The following KDM6A variants were observed in gnomAD, a reference collection of about 807,000 sequenced individuals.
The protein encoded by KDM6A is lysine demethylase 6A.
A neutral mutation model predicts 117.6 loss-of-function variants in KDM6A; 11 were observed. That is an observed-to-expected ratio of 0.09 (90% confidence interval 0.06 to 0.15). The LOEUF is 0.15. Ranked by LOEUF, KDM6A falls within the 10% of genes least tolerant of loss-of-function variation. KDM6A has a pLI of 1.00. For synonymous variants in KDM6A, 384 were observed against 396.1 expected, an observed-to-expected ratio of 0.97 and a Z score of 0.36; for missense variants, 799 against 1,077.3, an observed-to-expected ratio of 0.74 and a Z score of 3.62.
At chrX:45,067,569 A>T (rs1315526178) in intron 17 of KDM6A, among the ~76,000 whole-genome samples, 1 of 108,905 alleles carries the variant, frequency 9.2e-6, no homozygotes, top group African/African-American at 3.4e-5. Flanking sequence ...ACCTTCCTTT[A>T]TTATGATTGA....
chrX:45,097,651 T>G (rs921230273), intron 27 of KDM6A, among the ~76,000 whole-genome samples: 3 of 111,741 alleles, frequency 2.7e-5, no homozygotes, highest in Non-Finnish European at 5.6e-5. Context: ...TGTTTTCTTC[T>G]GTTGTCACCT....
chrX:44,969,297 T>C (rs941836678), intron 3 of KDM6A, among the ~76,000 whole-genome samples: 2 of 111,095 alleles, frequency 1.8e-5, no homozygotes, highest in South Asian at 7.6e-4. Flanking sequence ...AAATATGCTT[T>C]GGTTGTTTCA....
intron 2 of KDM6A, among the ~76,000 whole-genome samples, chrX:44,904,007 T>G (rs1237407973): frequency 8.9e-6 from 1 of 112,093 alleles, no homozygotes; most frequent in African/African-American, 3.2e-5. Flanking sequence ...CTGGATCGTT[T>G]TATGTCTCAC....
At position 45,070,328 on chromosome X, in the gene KDM6A, C is replaced by G. The variant is rs2148057732; in HGVS notation, c.2829C>G (p.Pro943=). 8.3e-7 allele frequency: 1 copy of G among 1,210,946 alleles called. No homozygotes were observed. The highest frequency in any genetic ancestry group is 1.8e-5 in the South Asian group (1 of 56,978). ...IIPSMSVSIY[P]SSAEVLKACR... ...CATCAATGTCTGTGTCCATATACCC[C>G]AGCTCAGCAGAAGTTCTGAAGGCAT... is the stretch of plus-strand genomic sequence containing the variant. The change falls in exon 18 of 30, where the codon CCC becomes CCG. Residue 943 remains proline (P), a synonymous_variant. Transcript: ENST00000611820.
At chrX:44,989,609 A>G (rs995237698) in intron 4 of KDM6A, among the ~76,000 whole-genome samples, 6 of 112,175 alleles carry the variant, frequency 5.3e-5, no homozygotes, top group African/African-American at 1.9e-4. Context: ...GGTAAGTAAT[A>G]CATTGGAAGT....
At chrX:44,894,880 G>T (rs1165448879) in intron 2 of KDM6A, among the ~76,000 whole-genome samples, 1 of 107,787 alleles carries the variant, frequency 9.3e-6, no homozygotes, top group Admixed American at 1.0e-4. Context: ...TGATTCTCCC[G>T]CCTCAGCCCC....
intron 15 of KDM6A, 107 bp from the exon 16 acceptor site, chrX:45,062,540 C>G: frequency 3.7e-6 from 2 of 543,989 alleles, no homozygotes; most frequent in South Asian, 5.2e-5. Flanking sequence ...TGTGTTTGAC[C>G]AGATAGTGGT....
chrX:44,988,212 C>T (rs2040355901), intron 4 of KDM6A, among the ~76,000 whole-genome samples: 1 of 112,039 alleles, frequency 8.9e-6, no homozygotes, highest in African/African-American at 3.2e-5. Flanking sequence ...GCTACTGAGG[C>T]TTGTGCATTC....
rs373759726 is a variant in KDM6A at position 45,067,734 on chromosome X, C to T, written c.2080-1845C>T. ...GTGGTGCGATCTTGGCTCACTGCAA[C>T]CTCCGCCTCCTAGGTTCAAGTGATT... On this transcript the variant is annotated intron_variant, in intron 17 of 29. Coordinates refer to ENST00000611820, the MANE Select transcript of KDM6A (RefSeq NM_001291415.2). 2.9e-5 allele frequency among the ~76,000 whole-genome samples: 3 copies of T among 103,720 alleles called. No homozygotes were observed. In the East Asian group the frequency reaches 9.0e-4, roughly 31 times the overall value. The allele number at this position is 103,720 out of a possible 115,157, so 90.1% of individuals were successfully genotyped here. A position where few individuals can be genotyped will look rare whatever the true frequency, so the allele number is the denominator to read the frequency against.
chrX:45,044,640 T>G (rs1838464889), intron 8 of KDM6A, among the ~76,000 whole-genome samples: 2 of 111,741 alleles, frequency 1.8e-5, no homozygotes, highest in Middle Eastern at 4.6e-3. Flanking sequence ...TTTATTCAAA[T>G]GATAGCCAAT....
rs201035767 is a variant in KDM6A, at chrX:45,032,033, T to TA, written c.565-2887dup. Among the ~76,000 whole-genome samples, 333 of 105,003 alleles carry TA rather than the reference T, an allele frequency of 3.2e-3. 1 individual carries two copies. Among genetic ancestry groups the TA allele is most frequent in the East Asian group, 5.6e-3 (19 of 3,406 alleles). 91.2% of individuals were successfully genotyped at this position (105,003 alleles called of 115,157 possible). A position where few individuals can be genotyped will look rare whatever the true frequency, so the allele number is the denominator to read the frequency against. ...CATAAAAAGAAAATCTCTATAACAT[T>TA]AAAAAAAAAAAGTCATAAGTAAATC... On this transcript the variant is annotated intron_variant, in intron 6 of 29. Transcript: ENST00000611820.
chrX:44,873,272 T>TCCCGCCGTC lies in KDM6A; in HGVS notation c.-273_-265dup, dbSNP rs937573583. 1.8e-4 allele frequency: 60 copies of TCCCGCCGTC among 339,297 alleles called. No homozygotes were observed. The highest frequency in any genetic ancestry group is 1.4e-3 in the South Asian group (24 of 16,882). 28.0% of individuals were successfully genotyped at this position (339,297 alleles called of 1,213,427 possible). A position where few individuals can be genotyped will look rare whatever the true frequency, so the allele number is the denominator to read the frequency against. On this transcript the variant is annotated 5_prime_UTR_variant, in exon 1 of 30. Coordinates refer to ENST00000611820, the MANE Select transcript of KDM6A (RefSeq NM_001291415.2). ...CCCCAGCCCCGCGCGCTCCGGCCGTTCCCGCCGTCCCCGCCTGTGGCTGCC... is the reference window on the plus strand; with the variant it reads ...CCCCAGCCCCGCGCGCTCCGGCCGTTCCCGCCGTCCCCGCCGTCCCCGCCTGTGGCTGCC...
At chrX:45,052,345 C>T (rs2043889505) in intron 9 of KDM6A, among the ~76,000 whole-genome samples, 1 of 111,467 alleles carries the variant, frequency 9.0e-6, no homozygotes, top group Non-Finnish European at 1.9e-5. Context: ...AGTCATGTTT[C>T]TTGTTTGTAT....
chrX:45,018,636 A>G (rs909937777), intron 5 of KDM6A, among the ~76,000 whole-genome samples: 4 of 111,946 alleles, frequency 3.6e-5, no homozygotes, highest in Non-Finnish European at 7.5e-5. Context: ...AGGGGCTGTT[A>G]TTGTACTGTG....
At chrX:45,106,339 G>A (rs2046530630) in intron 27 of KDM6A, among the ~76,000 whole-genome samples, 1 of 111,195 alleles carries the variant, frequency 9.0e-6, no homozygotes, top group South Asian at 3.7e-4. Flanking sequence ...ACATAGTAAC[G>A]TATAAAATAG....
chrX:44,982,090 C>T (rs1211977766), intron 4 of KDM6A, among the ~76,000 whole-genome samples: 1 of 111,159 alleles, frequency 9.0e-6, no homozygotes, highest in African/African-American at 3.3e-5. Context: ...CAAAACCGAC[C>T]TTTTTCTTAT....
chrX:45,039,448 A>G (rs998686732), intron 8 of KDM6A, among the ~76,000 whole-genome samples: 4 of 108,279 alleles, frequency 3.7e-5, no homozygotes, highest in African/African-American at 1.3e-4. Flanking sequence ...CTTACTGTTT[A>G]ATCCTGTGAA....
At chrX:44,995,134 T>G (rs2147441017) in intron 4 of KDM6A, among the ~76,000 whole-genome samples, 1 of 111,555 alleles carries the variant, frequency 9.0e-6, no homozygotes, top group East Asian at 2.8e-4. Context: ...AACATTTTAC[T>G]AAGAAAGAAT....
intron 2 of KDM6A, among the ~76,000 whole-genome samples, chrX:44,932,415 A>G (rs924047236): frequency 1.8e-5 from 2 of 110,597 alleles, no homozygotes; most frequent in African/African-American, 3.3e-5. Context: ...CTGGCCATCT[A>G]CGTAGCCTTT....
Sources: allele counts gnomAD v4.1 joint callset (sites outside exome capture counted in the v4.1 genomes callset), GRCh38; gene constraint gnomAD v4.1.1; transcripts MANE v1.5; gene names NCBI Gene and HGNC (gene_info 2026-07-23, HGNC 2026-07-21).